Variants in CCDC12 observed in about 807,000 individuals in gnomAD.
CCDC12 encodes coiled-coil domain-containing protein 12.
Under a neutral mutation model 25.7 loss-of-function variants are expected in CCDC12, and 28 were observed. That is an observed-to-expected ratio of 1.09 (90% CI 0.81 to 1.50). The LOEUF is 1.50. CCDC12 is among the 40% of genes most tolerant of loss of function. The probability of loss-of-function intolerance (pLI) is 0.00; values close to 1 mark genes in which losing one functional copy is unlikely to be tolerated. For missense variants in CCDC12, 198 were observed against 210.0 expected (o/e 0.94, Z 0.35); for synonymous variants, 75 against 87.7 (o/e 0.86, Z 0.81).
chr3:46,924,431 T>C (rs947528232), intron 3 of CCDC12, among the ~76,000 whole-genome samples: 2 of 152,204 alleles, frequency 1.3e-5, no homozygotes, highest in Non-Finnish European at 2.9e-5. Context: ...CGGGGAAGTG[T>C]CTGGATTTCA....
At chr3:46,960,786 G>A (rs554615112) in intron 1 of CCDC12, among the ~76,000 whole-genome samples, 3 of 152,320 alleles carry the variant, frequency 2.0e-5, no homozygotes, top group South Asian at 2.1e-4. Context: ...CCAGATCTCC[G>A]AACAACTGGC....
intron 1 of CCDC12, among the ~76,000 whole-genome samples, chr3:46,957,151 A>G (rs1203516839): frequency 6.6e-6 from 1 of 152,118 alleles, no homozygotes; most frequent in Admixed American, 6.5e-5. Flanking sequence ...TATTGATCCA[A>G]TATACCCATA....
intron 1 of CCDC12, among the ~76,000 whole-genome samples, chr3:46,946,311 G>T (rs1440736254): frequency 3.3e-5 from 5 of 152,250 alleles, no homozygotes; most frequent in African/African-American, 7.2e-5. Flanking sequence ...ATGTAACTCT[G>T]TGCCATGAGT....
At chr3:46,935,285 C>T (rs564980696) in intron 2 of CCDC12, among the ~76,000 whole-genome samples, 3 of 152,208 alleles carry the variant, frequency 2.0e-5, no homozygotes, top group East Asian at 1.9e-4. Flanking sequence ...GTTGGGAGGT[C>T]GGGACTTGCT....
intron 3 of CCDC12, 160 bp from the exon 4 acceptor site, chr3:46,923,828 G>A: frequency 2.0e-6 from 1 of 497,816 alleles, no homozygotes; most frequent in Non-Finnish European, 3.3e-6. Flanking sequence ...CCCTGCAAAG[G>A]CAGCTCTGGA....
chr3:46,941,743 C>A (rs1030639295), intron 1 of CCDC12, among the ~76,000 whole-genome samples: 1 of 152,158 alleles, frequency 6.6e-6, no homozygotes, highest in Non-Finnish European at 1.5e-5. Flanking sequence ...TGGGTCTAGA[C>A]AGAACCACCT....
intron 1 of CCDC12, among the ~76,000 whole-genome samples, chr3:46,958,828 T>G (rs1360682799): frequency 6.6e-6 from 1 of 152,134 alleles, no homozygotes; most frequent in Non-Finnish European, 1.5e-5. Context: ...TTACCTGAGC[T>G]AGGAGCCATC....
At chr3:46,979,508 T>C, upstream of CCDC12, 1 of 177,772 alleles carries the variant, frequency 5.6e-6, no homozygotes, top group Non-Finnish European at 1.2e-5. Flanking sequence ...GGCTGGCCCT[T>C]CCAATGGCAC....
chr3:46,933,136 T>C (rs1165536772), intron 2 of CCDC12, among the ~76,000 whole-genome samples: 1 of 152,106 alleles, frequency 6.6e-6, no homozygotes, highest in Non-Finnish European at 1.5e-5. Flanking sequence ...AAGGAAAAAC[T>C]CCTGCAGCCT....
At chr3:46,976,187 ACT>A (rs2034981158) in intron 1 of CCDC12, 1 of 424,484 alleles carries the variant, frequency 2.4e-6, no homozygotes, top group African/African-American at 2.2e-5. Flanking sequence ...CTGTATACCC[ACT>A]GCTGTCACTT....
At position 46,925,513 on chromosome 3, in the gene CCDC12, C is replaced by T. The variant is rs749276359; in HGVS notation, c.187G>A (p.Val63Ile). 1 of 1,593,096 alleles carries T rather than the reference C, an allele frequency of 6.3e-7. No individual in the cohort carries two copies. The highest frequency in any genetic ancestry group is 1.7e-5 in the Admixed American group (1 of 59,092). Residue 63 changes from valine (V) to isoleucine (I), a missense_variant, in exon 3 of 7, where the codon GTC becomes ATC. By Grantham distance (29) the Val-to-Ile change is conservative. Coordinates refer to ENST00000683445, the MANE Select transcript of CCDC12 (RefSeq NM_001277074.2). ...KHRELRLRNY[V>I]PEDEDLKKRR... ...TTCTTCAGGTCCTCATCCTCCGGGA[C>T]ATAGTTCCGCAGCCTAAGTTCCCTG...
At chr3:46,972,567 G>A (rs2034836348) in intron 1 of CCDC12, among the ~76,000 whole-genome samples, 1 of 151,918 alleles carries the variant, frequency 6.6e-6, no homozygotes, top group Non-Finnish European at 1.5e-5. Context: ...TCATCACTGG[G>A]GAAATGCAAA....
In CCDC12 at chr3:46,973,936, G is replaced by A. The variant is rs914956194; in HGVS notation, c.96+2701C>T. On this transcript the variant is annotated intron_variant, in intron 1 of 6. Coordinates refer to ENST00000683445, the MANE Select transcript of CCDC12 (RefSeq NM_001277074.2). ...CTTGTACTCCCATGTTTATAGCAGC[G>A]TTATTCACAACAGGCAAAACGTAGA... 1.2e-4 allele frequency among the ~76,000 whole-genome samples: 18 copies of A among 152,252 alleles called. No homozygotes were observed. In the East Asian group the frequency reaches 1.9e-3, roughly 16 times the overall value.
intron 2 of CCDC12, among the ~76,000 whole-genome samples, chr3:46,940,122 T>C (rs906999557): frequency 1.3e-5 from 2 of 152,212 alleles, no homozygotes; most frequent in Admixed American, 6.5e-5. Flanking sequence ...CCTCTGGAAC[T>C]GCTGACACGG....
chr3:46,964,290 T>G (rs1271247445), intron 1 of CCDC12, among the ~76,000 whole-genome samples: 2 of 140,358 alleles, frequency 1.4e-5, no homozygotes, highest in African/African-American at 2.8e-5. Context: ...GAGGTGGGGG[T>G]CAGCCCCCGC....
At chr3:46,956,433 T>C (rs368562182) in intron 1 of CCDC12, among the ~76,000 whole-genome samples, 10 of 152,310 alleles carry the variant, frequency 6.6e-5, no homozygotes, top group African/African-American at 2.2e-4. Flanking sequence ...GAAAGCGGAC[T>C]GCATGAGGCC....
chr3:46,949,271 A>G (rs1402679296), intron 1 of CCDC12, among the ~76,000 whole-genome samples: 1 of 152,202 alleles, frequency 6.6e-6, no homozygotes, highest in Non-Finnish European at 1.5e-5. Flanking sequence ...CAGTGGGGAC[A>G]GAGGGACGGA....
chr3:46,929,879 A>G (rs1025677480), intron 2 of CCDC12, among the ~76,000 whole-genome samples: 3 of 151,794 alleles, frequency 2.0e-5, no homozygotes, highest in African/African-American at 7.3e-5. Context: ...AAAAAAACAA[A>G]AATTAGCCAG....
intron 1 of CCDC12, among the ~76,000 whole-genome samples, chr3:46,953,108 C>T (rs1346073227): frequency 6.6e-6 from 1 of 152,082 alleles, no homozygotes; most frequent in Non-Finnish European, 1.5e-5. Flanking sequence ...CAAATATTGT[C>T]ATTTCTTGGC....
Sources: gnomAD v4.1 joint callset for allele counts (sites outside exome capture counted in the v4.1 genomes callset) on GRCh38, gnomAD v4.1.1 for gene constraint, MANE v1.5 for transcripts, NCBI Gene and HGNC (gene_info 2026-07-23, HGNC 2026-07-21) for gene names.